The following PASK variants were observed in gnomAD, a reference collection of about 807,000 sequenced individuals.
PASK encodes PAS domain containing serine/threonine kinase.
Under a neutral mutation model 121.0 loss-of-function variants are expected in PASK, and 110 were observed. The observed-to-expected ratio is 0.91, with a 90% CI of 0.78 to 1.06. The LOEUF is 1.06. PASK is among the 50% of genes least tolerant of loss of function. The probability of loss-of-function intolerance (pLI) is 0.00; values close to 1 mark genes in which losing one functional copy is unlikely to be tolerated. For synonymous variants in PASK, 686 were observed against 717.8 expected (o/e 0.96, Z 0.71); for missense variants, 1,643 against 1,702.3 (o/e 0.97, Z 0.61).
At chr2:241,130,043 C>T (rs538712816) in intron 9 of PASK, among the ~76,000 whole-genome samples, 2 of 152,330 alleles carry the variant, frequency 1.3e-5, no homozygotes, top group South Asian at 4.1e-4. Context: ...CGAGGAAGCA[C>T]CCAACGTAGT....
At chr2:241,115,010 G>A (rs202009353) in intron 14 of PASK, 33 bp downstream of exon 14, 79 of 1,614,026 alleles carry the variant, frequency 4.9e-5, no homozygotes, top group Non-Finnish European at 6.4e-5. Flanking sequence ...CCAGGCCTGC[G>A]TTCACACTAA....
upstream of PASK, chr2:241,149,931 A>G: frequency 7.0e-7 from 1 of 1,430,060 alleles, no homozygotes; most frequent in East Asian, 2.5e-5. Flanking sequence ...GCCTGCTCCG[A>G]GCGTCAAGAG....
chr2:241,139,886 A>C lies in PASK; in HGVS notation c.599T>G (p.Val200Gly). Residue 200 changes from valine to glycine, a missense_variant and splice_region_variant, in exon 4 of 18, where the codon GTG becomes GGG. Val to Gly is a moderately radical substitution (Grantham distance 109, BLOSUM62 -3). Transcript: ENST00000234040. ...DGHAAVVFGT[V>G]VDIISRSGEK... ...AACGCTGCACCCGCATCCACTCACCACCGTGCCAAACACCACCGCAGCGTG... is the reference window on the plus strand; with the variant it reads ...AACGCTGCACCCGCATCCACTCACCCCCGTGCCAAACACCACCGCAGCGTG... The C allele has an allele frequency of 6.2e-7, 1 of 1,613,906 alleles. No individual in the cohort carries two copies. Among genetic ancestry groups the C allele is most frequent in the Non-Finnish European group, 8.5e-7 (1 of 1,179,888 alleles).
chr2:241,117,540 G>A (rs538572440), intron 12 of PASK, among the ~76,000 whole-genome samples: 19 of 152,322 alleles, frequency 1.2e-4, no homozygotes, highest in Non-Finnish European at 1.8e-4. Flanking sequence ...AAGAATTAAC[G>A]GAACCAAAGA....
intron 12 of PASK, among the ~76,000 whole-genome samples, chr2:241,122,399 G>C (rs767230667): frequency 6.6e-6 from 1 of 152,224 alleles, no homozygotes; most frequent in Non-Finnish European, 1.5e-5. Flanking sequence ...CATCTCAGTG[G>C]GGAGTAGGAG....
At position 241,108,222 on chromosome 2, in the gene PASK, A is replaced by G. The variant is rs1486626043; in HGVS notation, c.3612T>C (p.Cys1204=). 14 of 1,612,872 alleles carry G rather than the reference A, an allele frequency of 8.7e-6. No homozygotes were observed. The highest frequency in any genetic ancestry group is 1.1e-5 in the Non-Finnish European group (13 of 1,179,040). The change falls in exon 16 of 18, where the codon TGT becomes TGC. Residue 1204 remains cysteine (C), a synonymous_variant. Coordinates refer to ENST00000234040, the MANE Select transcript of PASK (RefSeq NM_015148.4). The surrounding 1 kb of genome is among the most constrained non-coding windows in gnomAD (Gnocchi z 5.2). ...YTLVFEENPF[C]ELEETVEAAI... The stretch of plus-strand genomic sequence containing the variant: ...CAGCCTCCACGGTCTCCTCCAGCTC[A>G]CAGAAGGGGTTCTCCTCAAAGACCA...
At position 241,106,194 on chromosome 2, in the gene PASK, T is replaced by G; in HGVS notation, c.*372A>C. 3.6e-6 allele frequency: 1 copy of G among 279,272 alleles called. No homozygotes were observed. Among genetic ancestry groups the G allele is most frequent in the South Asian group, 4.2e-5 (1 of 23,608 alleles). 17.3% of individuals were successfully genotyped at this position (279,272 alleles called of 1,614,324 possible). ...CCATTTGACTAACCAGTTCTACAAA[T>G]TTCACATATCCGTCACTCAGATGAG... On this transcript the variant is annotated 3_prime_UTR_variant, in exon 18 of 18. Transcript: ENST00000234040.
chr2:241,137,994 G>A lies in PASK; in HGVS notation c.835C>T (p.Pro279Ser), dbSNP rs2066520237. The change falls in exon 6 of 18, where the codon CCT becomes TCT. Residue 279 changes from proline to serine, a missense_variant. By Grantham distance (74) the Pro-to-Ser change is moderately conservative. This residue lies in a region of PASK where 1,176 missense variants were observed against 1,162.2 expected (regional missense o/e 1.01). Transcript: ENST00000234040. The stretch of plus-strand genomic sequence containing the variant: ...CCAGAAGGAGGGAGCTGCACAGAAG[G>A]GATCAGGTCTGTGATATGCTGCCCA... The part of the protein sequence containing the change: ...VAGQHITDLI[P>S]SVQLPPSGQH... 1 of 1,614,160 alleles carries A rather than the reference G, an allele frequency of 6.2e-7. No individual in the cohort carries two copies. The highest frequency in any genetic ancestry group is 8.5e-7 in the Non-Finnish European group (1 of 1,179,964).
intron 14 of PASK, chr2:241,114,460 CCAACA>C: frequency 1.0e-6 from 1 of 997,054 alleles, no homozygotes; most frequent in Non-Finnish European, 1.2e-6. Context: ...TCCTTAAAAC[CCAACA>C]CGAGTTACCG....
Position 241,137,958 on chromosome 2 carries a change from G to C in PASK, c.871C>G (p.Pro291Ala). Residue 291 changes from proline to alanine, a missense_variant, in exon 6 of 18, where the codon CCA (proline) becomes GCA (alanine). Pro to Ala is a conservative substitution (Grantham distance 27). Coordinates refer to ENST00000234040, the MANE Select transcript of PASK (RefSeq NM_015148.4). ...VQLPPSGQHIPKNLKIQRSVG... is the reference protein window; with the variant it reads ...VQLPPSGQHIAKNLKIQRSVG... ...CGGGAGGTCAGGAGCCCTACCTTTGGGATGTGCTGGCCAGAAGGAGGGAGC... is the reference window on the plus strand; with the variant it reads ...CGGGAGGTCAGGAGCCCTACCTTTGCGATGTGCTGGCCAGAAGGAGGGAGC... The C allele has an allele frequency of 1.2e-6, 2 of 1,614,166 alleles. No individual in the cohort carries two copies. The highest frequency in any genetic ancestry group is 2.2e-5 in the South Asian group (2 of 91,088).
rs765688048 is a variant in PASK at position 241,126,287 on chromosome 2, C to T, written c.2628G>A (p.Val876=). The part of the protein sequence containing the change: ...RLNVQVTSTP[V]IVMRGAAGLQ... ...GGCCAGCAGCCCCGCGCATCACGATCACGGGCGTGGAGGTGACCTGGACGT... is the reference window on the plus strand; with the variant it reads ...GGCCAGCAGCCCCGCGCATCACGATTACGGGCGTGGAGGTGACCTGGACGT... The change falls in exon 10 of 18, where the codon GTG becomes GTA. Residue 876 remains valine, a synonymous_variant. Transcript: ENST00000234040. The T allele has an allele frequency of 6.2e-7, 1 of 1,614,228 alleles. No homozygotes were observed. The highest frequency in any genetic ancestry group is 1.7e-5 in the Admixed American group (1 of 60,032).
chr2:241,134,393 G>A (rs2240548), intron 8 of PASK: 3,748 of 152,274 alleles, frequency 0.025, 316 homozygotes, highest in East Asian at 0.23. Flanking sequence ...AAGGAAAGCC[G>A]GGATTGTAAG....
chr2:241,112,352 T>C lies in PASK; in HGVS notation c.3421A>G (p.Thr1141Ala). Residue 1141 changes from threonine (T) to alanine (A), a missense_variant, in exon 15 of 18, where the codon ACA becomes GCA. Thr to Ala is a moderately conservative substitution (Grantham distance 58). Coordinates refer to ENST00000234040, the MANE Select transcript of PASK (RefSeq NM_015148.4). The surrounding 1 kb of genome is among the most constrained non-coding windows in gnomAD (Gnocchi z 5.2). ...GAGCCAAAGTCTATCAGCTTGATTG[T>C]GAAGTCCTCGGCGATCACGATGTTC... ...DENIVIAEDF[T>A]IKLIDFGSAA... 1 of 1,613,626 alleles carries C rather than the reference T, an allele frequency of 6.2e-7. No individual in the cohort carries two copies. The highest frequency in any genetic ancestry group is 8.5e-7 in the Non-Finnish European group (1 of 1,179,658).
At chr2:241,122,352 T>G (rs1010532378) in intron 12 of PASK, among the ~76,000 whole-genome samples, 4 of 152,116 alleles carry the variant, frequency 2.6e-5, no homozygotes, top group African/African-American at 9.7e-5. Context: ...ATTAAGCATG[T>G]TTTCAGCATG....
upstream of PASK, chr2:241,150,069 G>C: frequency 7.7e-7 from 1 of 1,296,434 alleles, no homozygotes; most frequent in Non-Finnish European, 9.8e-7. Context: ...ACGTAGGACT[G>C]GCCCGCACCT....
Position 241,115,343 on chromosome 2 carries a change from T to C in PASK, c.3143A>G (p.Lys1048Arg), listed in dbSNP as rs1402388354. ...TAGAATTGCGATCTCTAAAGTAACT[T>C]TCCCAAGTTTGGGATCCTCAATCCA... ...DCWIEDPKLG[K>R]VTLEIAILSR... The change falls in exon 13 of 18, where the codon AAA becomes AGA. Residue 1048 changes from lysine (K) to arginine (R), a missense_variant. Lys to Arg is a conservative substitution (Grantham distance 26). This residue lies in a region of PASK where 453 missense variants were observed against 511.2 expected (regional missense o/e 0.89). Transcript: ENST00000234040. 6.2e-7 allele frequency: 1 copy of C among 1,613,914 alleles called. No individual in the cohort carries two copies. The highest frequency in any genetic ancestry group is 1.7e-5 in the Admixed American group (1 of 60,012).
chr2:241,130,791 C>G (rs1031100718), intron 9 of PASK, among the ~76,000 whole-genome samples: 5 of 146,864 alleles, frequency 3.4e-5, no homozygotes, highest in Admixed American at 7.1e-5. Flanking sequence ...GGCCCATGAG[C>G]TAGGGTGCCA....
At chr2:241,142,188 T>C (rs1384386110) in intron 2 of PASK, among the ~76,000 whole-genome samples, 1 of 152,124 alleles carries the variant, frequency 6.6e-6, no homozygotes, top group East Asian at 1.9e-4. Context: ...AGTGTCGAAG[T>C]GCTCCTTGAC....
chr2:241,122,607 G>T, intron 12 of PASK, 125 bp downstream of exon 12: 1 of 888,136 alleles, frequency 1.1e-6, no homozygotes, highest in Non-Finnish European at 1.9e-6. Context: ...CCACATGCCA[G>T]GTTGTGTGCT....
Sources: gnomAD v4.1 joint callset for allele counts (sites outside exome capture counted in the v4.1 genomes callset) on GRCh38, gnomAD v4.1.1 for gene constraint, gnomAD v4.1.1 regional missense constraint, Gnocchi (gnomAD v3.1) non-coding constraint, MANE v1.5 for transcripts, NCBI Gene and HGNC (gene_info 2026-07-23, HGNC 2026-07-21) for gene names.